Variants in FAM178B observed in about 807,000 individuals in gnomAD.
FAM178B encodes the protein protein FAM178B.
FAM178B carries 82 observed loss-of-function variants against 91.7 expected under a neutral mutation model. That is an observed-to-expected ratio of 0.89 (90% confidence interval 0.75 to 1.07). The LOEUF is 1.07. Among genes scored for constraint, FAM178B ranks in the 50% least tolerant of loss-of-function variants. The pLI is 0.00. For missense variants in FAM178B, 769 were observed against 846.7 expected (o/e 0.91, Z 1.14); for synonymous variants, 368 against 359.4 (o/e 1.02, Z -0.27).
At chr2:96,936,203 ATTAT>A (rs931878966) in intron 8 of FAM178B, among the ~76,000 whole-genome samples, 1 of 151,666 alleles carries the variant, frequency 6.6e-6, no homozygotes, top group African/African-American at 2.4e-5. Context: ...TTATTTATTT[ATTAT>A]TTATTTATTT....
At position 96,972,545 on chromosome 2, in the gene FAM178B, C is replaced by A; in HGVS notation, c.135G>T (p.Leu45=). The change falls in exon 2 of 17, where the codon CTG becomes CTT. Residue 45 remains leucine, a synonymous_variant. Coordinates refer to ENST00000490605, the MANE Select transcript of FAM178B (RefSeq NM_001122646.3). The part of the protein sequence containing the change: ...GPQETVLALP[L]REGVQAAATV... ...CAGGTGAGAGACGCCTACCTTCTCTCAGAGGAAGGGCTAGCACCGTCTCCT... is the reference window on the plus strand; with the variant it reads ...CAGGTGAGAGACGCCTACCTTCTCTAAGAGGAAGGGCTAGCACCGTCTCCT... 1 of 1,551,706 alleles carries A rather than the reference C, an allele frequency of 6.4e-7. No individual in the cohort carries two copies. Among genetic ancestry groups the A allele is most frequent in the South Asian group, 1.2e-5 (1 of 84,062 alleles).
intron 13 of FAM178B, chr2:96,895,008 G>T (rs1056833758): frequency 4.8e-5 from 61 of 1,274,436 alleles, no homozygotes; most frequent in Middle Eastern, 2.1e-4. Context: ...CTCTGTGGAG[G>T]TTTGGAACAC....
At chr2:96,953,379 G>A (rs1011727029) in intron 6 of FAM178B, among the ~76,000 whole-genome samples, 3 of 152,218 alleles carry the variant, frequency 2.0e-5, no homozygotes, top group East Asian at 1.9e-4. Flanking sequence ...GGAGGCTGGC[G>A]CTTCAGGGAC....
intron 3 of FAM178B, 52 bp from the exon 4 acceptor site, chr2:96,970,829 G>C (rs967411005): frequency 2.4e-5 from 31 of 1,290,000 alleles, no homozygotes; most frequent in Non-Finnish European, 3.3e-5. Context: ...CAAAGATAGA[G>C]GAGAAAAAAG....
At chr2:96,921,708 A>T in intron 10 of FAM178B, 54 bp from the exon 11 acceptor site, 1 of 1,511,918 alleles carries the variant, frequency 6.6e-7, no homozygotes. Flanking sequence ...ACGGGAGAGT[A>T]CTTCGAGGAC....
chr2:96,928,120 A>T (rs1449727211), intron 9 of FAM178B, among the ~76,000 whole-genome samples: 7 of 151,924 alleles, frequency 4.6e-5, no homozygotes, highest in African/African-American at 1.7e-4. Flanking sequence ...TTCTTAGGAG[A>T]GCTCCCACTT....
intron 8 of FAM178B, among the ~76,000 whole-genome samples, chr2:96,943,449 G>A (rs1388045051): frequency 6.6e-6 from 1 of 152,076 alleles, no homozygotes; most frequent in Non-Finnish European, 1.5e-5. Context: ...CTTTTTTATG[G>A]CTGAATAGTA....
chr2:96,950,431 G>C (rs889895517), intron 7 of FAM178B, among the ~76,000 whole-genome samples: 1 of 152,176 alleles, frequency 6.6e-6, no homozygotes, highest in African/African-American at 2.4e-5. Flanking sequence ...CCCAGAGCAC[G>C]AAGGGAGAGC....
intron 8 of FAM178B, among the ~76,000 whole-genome samples, chr2:96,947,316 C>T (rs905491969): frequency 6.6e-6 from 1 of 152,174 alleles, no homozygotes; most frequent in Non-Finnish European, 1.5e-5. Context: ...CTCTCATTCC[C>T]ACCCAGACCA....
Position 96,971,960 on chromosome 2 carries a change from A to AG in FAM178B, c.504dup (p.Pro170AlafsTer65), listed in dbSNP as rs778860342. 47 of 1,554,862 alleles carry AG rather than the reference A, an allele frequency of 3.0e-5. No homozygotes were observed. The highest frequency in any genetic ancestry group is 2.8e-5 in the Non-Finnish European group (32 of 1,150,020). On this transcript the variant is annotated frameshift_variant, in exon 3 of 17. Coordinates refer to ENST00000490605, the MANE Select transcript of FAM178B (RefSeq NM_001122646.3). LOFTEE classifies it high-confidence loss of function. ...GTGTTCCAGAACAGCTTCTCTGGCA[A>AG]GGCCAGGCCCCTCTTCGGGTCCAAG...
intron 5 of FAM178B, among the ~76,000 whole-genome samples, chr2:96,961,204 G>A (rs993697205): frequency 1.3e-5 from 2 of 152,194 alleles, no homozygotes; most frequent in African/African-American, 4.8e-5. Context: ...AATGAGGATG[G>A]GGAAAAGGGA....
intron 8 of FAM178B, among the ~76,000 whole-genome samples, chr2:96,947,400 C>T (rs1303354970): frequency 6.6e-6 from 1 of 152,144 alleles, no homozygotes; most frequent in Non-Finnish European, 1.5e-5. Context: ...AGACTCTTCC[C>T]TTTGGTGACT....
At chr2:96,932,797 G>A (rs765373414) in intron 8 of FAM178B, among the ~76,000 whole-genome samples, 3 of 151,970 alleles carry the variant, frequency 2.0e-5, no homozygotes, top group East Asian at 1.9e-4. Flanking sequence ...AAAATTAGCC[G>A]GGCATGGTGG....
intron 1 of FAM178B, among the ~76,000 whole-genome samples, chr2:96,973,180 C>A (rs2082246531): frequency 6.7e-6 from 1 of 149,654 alleles, no homozygotes; most frequent in South Asian, 2.1e-4. Context: ...TGCATGCCAG[C>A]CTGGCAACAG....
At chr2:96,943,131 A>G (rs915986730) in intron 8 of FAM178B, among the ~76,000 whole-genome samples, 6 of 152,226 alleles carry the variant, frequency 3.9e-5, no homozygotes, top group Non-Finnish European at 8.8e-5. Flanking sequence ...AAAAAAATAG[A>G]TATGTTGGAC....
At chr2:96,877,752 C>A (rs922125960) in intron 16 of FAM178B, 138 bp downstream of exon 16, 1 of 827,434 alleles carries the variant, frequency 1.2e-6, no homozygotes, top group South Asian at 1.7e-5. Context: ...CCCCACCCTT[C>A]CCCCACATGC....
At chr2:96,892,492 G>A (rs1264109813) in intron 14 of FAM178B, among the ~76,000 whole-genome samples, 1 of 152,134 alleles carries the variant, frequency 6.6e-6, no homozygotes, top group East Asian at 1.9e-4. Flanking sequence ...CCAACCAGGG[G>A]GAGGCTTTCA....
At chr2:96,892,620 C>A (rs541085264) in intron 14 of FAM178B, among the ~76,000 whole-genome samples, 4 of 152,322 alleles carry the variant, frequency 2.6e-5, no homozygotes, top group Admixed American at 2.0e-4. Context: ...AGCCTCTGTA[C>A]CAGAGTGAGC....
chr2:96,983,837 T>C (rs546679875), intron 1 of FAM178B, among the ~76,000 whole-genome samples: 1 of 152,376 alleles, frequency 6.6e-6, no homozygotes, highest in South Asian at 2.1e-4. Context: ...CCTGTAGCAG[T>C]AGTTCATGCA....
Sources: gnomAD v4.1 joint callset for allele counts (sites outside exome capture counted in the v4.1 genomes callset) on GRCh38, gnomAD v4.1.1 for gene constraint, MANE v1.5 for transcripts, NCBI Gene and HGNC (gene_info 2026-07-23, HGNC 2026-07-21) for gene names.